GLB1: variants seen among roughly 807,000 people sequenced by gnomAD.
GLB1 encodes the protein beta-galactosidase.
A neutral mutation model predicts 74.0 loss-of-function variants in GLB1; 56 were observed. The observed-to-expected ratio is 0.76, with a 90% confidence interval of 0.61 to 0.94. The LOEUF (loss-of-function observed/expected upper bound fraction) is 0.94. GLB1 is among the 40% of genes least tolerant of loss of function. The probability of loss-of-function intolerance (pLI) is 0.00; values close to 1 mark genes in which losing one functional copy is unlikely to be tolerated. For synonymous variants in GLB1, 323 were observed against 323.6 expected (o/e 1.00, Z 0.02); for missense variants, 787 against 845.5 (o/e 0.93, Z 0.86).
intron 11 of GLB1, among the ~76,000 whole-genome samples, chr3:33,023,698 C>T (rs556861283): frequency 2.0e-5 from 3 of 152,074 alleles, no homozygotes; most frequent in Non-Finnish European, 2.9e-5. Context: ...TCTTCTTTTT[C>T]GCTTTTCCTA....
chr3:32,975,349 T>C, the GLB1 span, among the ~76,000 whole-genome samples: 1 of 152,082 alleles, frequency 6.6e-6, no homozygotes, highest in Non-Finnish European at 1.5e-5. Context: ...CCTCCCAAAG[T>C]GCTGGGATTA....
chr3:33,092,954 G>C, intron 1 of GLB1: 1 of 1,614,250 alleles, frequency 6.2e-7, no homozygotes, highest in Non-Finnish European at 8.5e-7. Flanking sequence ...CCACCTGGTA[G>C]AGACCAGCAA....
At chr3:32,995,493 T>C (rs1444011815), downstream of GLB1, among the ~76,000 whole-genome samples, 1 of 152,050 alleles carries the variant, frequency 6.6e-6, no homozygotes, top group East Asian at 1.9e-4. Context: ...TGGAAAAACG[T>C]CCTTAACTAA....
intron 1 of GLB1, chr3:33,090,979 A>G: frequency 1.0e-6 from 1 of 985,324 alleles, no homozygotes; most frequent in Non-Finnish European, 1.2e-6. Context: ...CAGGTCACTG[A>G]TGAGAAAGAT....
chr3:33,070,787 AG>A (rs971316881), intron 2 of GLB1, among the ~76,000 whole-genome samples: 3 of 152,182 alleles, frequency 2.0e-5, no homozygotes, highest in Admixed American at 1.3e-4. Context: ...TTAAGGTTTC[AG>A]TGAACTATGA....
At chr3:33,092,677 C>T in intron 1 of GLB1, 1 of 1,410,554 alleles carries the variant, frequency 7.1e-7, no homozygotes, top group African/African-American at 1.4e-5. Flanking sequence ...GCCAGGCAGG[C>T]CCACCATAAG....
chr3:33,091,204 C>T (rs1700744252), intron 1 of GLB1: 1 of 985,262 alleles, frequency 1.0e-6, no homozygotes, highest in Admixed American at 6.2e-5. Context: ...ATAAGGAAAC[C>T]ACCAAAATTT....
At chr3:33,043,992 G>A (rs930351783) in intron 10 of GLB1, among the ~76,000 whole-genome samples, 9 of 152,018 alleles carry the variant, frequency 5.9e-5, no homozygotes, top group African/African-American at 2.2e-4. Flanking sequence ...GCTACAAAGG[G>A]AAATACATGA....
At chr3:33,092,090 G>A in intron 1 of GLB1, 1 of 985,434 alleles carries the variant, frequency 1.0e-6, no homozygotes, top group African/African-American at 1.7e-5. Context: ...AGACAAGGGA[G>A]GCAAAGCCCT....
intron 15 of GLB1, among the ~76,000 whole-genome samples, chr3:33,007,373 A>G (rs1253935409): frequency 6.6e-6 from 1 of 151,514 alleles, no homozygotes; most frequent in African/African-American, 2.4e-5. Context: ...TCCAACCAAC[A>G]CTCTCTTTTC....
At chr3:32,973,868 T>C in the GLB1 span, among the ~76,000 whole-genome samples, 1 of 152,182 alleles carries the variant, frequency 6.6e-6, no homozygotes, top group Non-Finnish European at 1.5e-5. Context: ...AAGCAAAGTG[T>C]TGAGCAAAGC....
At chr3:32,990,896 C>A in the GLB1 span, among the ~76,000 whole-genome samples, 12 of 152,060 alleles carry the variant, frequency 7.9e-5, no homozygotes, top group Non-Finnish European at 8.8e-5. Context: ...ATGGCGTGAA[C>A]CCGGGAGGTG....
At chr3:33,086,843 A>G (rs988975998) in intron 1 of GLB1, among the ~76,000 whole-genome samples, 1 of 152,196 alleles carries the variant, frequency 6.6e-6, no homozygotes, top group Admixed American at 6.5e-5. Context: ...GGCAAAATAT[A>G]GACCTATTTT....
intron 1 of GLB1, among the ~76,000 whole-genome samples, chr3:33,085,695 A>T (rs1031780435): frequency 1.8e-4 from 27 of 150,086 alleles, no homozygotes; most frequent in Non-Finnish European, 3.0e-4. Context: ...GGCTAGATTA[A>T]AAAAAAAAAC....
Position 33,016,505 on chromosome 3 carries a change from T to C in GLB1, c.1479+204A>G, listed in dbSNP as rs12054351. On this transcript the variant is annotated intron_variant, in intron 14 of 15. Transcript: ENST00000307363. ...CTGAGTAGCTGAGACCACAGGTGCA[T>C]GTCACCACACCTGGCTAAGTTTTTA... Among the ~76,000 whole-genome samples, 13,547 of 152,154 alleles carry C rather than the reference T, an allele frequency of 0.089. 827 individuals are homozygous for C. The highest frequency in any genetic ancestry group is 0.32 in the East Asian group (1,663 of 5,164).
intron 15 of GLB1, among the ~76,000 whole-genome samples, chr3:33,008,519 G>A (rs1262380322): frequency 6.6e-6 from 1 of 152,178 alleles, no homozygotes; most frequent in African/African-American, 2.4e-5. Context: ...GGAGGATGAG[G>A]TCTTCAGTGG....
rs72856120 is a variant in GLB1, at chr3:33,053,648, C to A, written c.734-99G>T. On this transcript the variant is annotated intron_variant, in intron 6 of 15. Transcript: ENST00000307363. ...GGGACTCGGGCCTGAAGCCCTGCTA[C>A]GGTCAGAATGTTAGTATCCCCCCAA... 90,543 of 1,502,150 alleles carry A rather than the reference C, an allele frequency of 0.06. 8,099 individuals are homozygous for A. The highest frequency in any genetic ancestry group is 0.47 in the East Asian group (20,327 of 43,470). The allele number at this position is 1,502,150 out of a possible 1,614,324, so 93.1% of individuals were successfully genotyped here.
chr3:33,030,724 A>C, intron 10 of GLB1: 2 of 985,384 alleles, frequency 2.0e-6, no homozygotes, highest in Non-Finnish European at 2.4e-6. Flanking sequence ...AATCCACTCC[A>C]ATTATCAAGG....
chr3:33,090,741 G>A (rs771367828), intron 1 of GLB1: 31 of 985,372 alleles, frequency 3.1e-5, no homozygotes, highest in Middle Eastern at 5.2e-4. Flanking sequence ...TGTCCGCCGC[G>A]TCAGGGAATA....
Sources: allele counts gnomAD v4.1 joint callset (sites outside exome capture counted in the v4.1 genomes callset), GRCh38; gene constraint gnomAD v4.1.1; transcripts MANE v1.5; gene names NCBI Gene and HGNC (gene_info 2026-07-23, HGNC 2026-07-21).